The following JAKMIP3 variants were observed in gnomAD, a reference collection of about 807,000 sequenced individuals.
The protein encoded by JAKMIP3 is janus kinase and microtubule-interacting protein 3.
JAKMIP3 carries 58 observed loss-of-function variants against 118.5 expected under a neutral mutation model. The ratio of observed to expected loss-of-function variants is 0.49; its 90% confidence interval spans 0.40 to 0.61. The LOEUF is 0.61. Ranked by LOEUF, JAKMIP3 falls within the 20% of genes least tolerant of loss-of-function variation. JAKMIP3 has a pLI of 0.00. For missense variants in JAKMIP3, 950 were observed against 1,109.0 expected (o/e 0.86, Z 2.04); for synonymous variants, 486 against 451.2 (o/e 1.08, Z -0.98).
chr10:132,077,035 G>A (rs1203243099), intron 1 of JAKMIP3, among the ~76,000 whole-genome samples: 2 of 152,320 alleles, frequency 1.3e-5, no homozygotes, highest in East Asian at 3.9e-4. Flanking sequence ...GTGGCCCCAG[G>A]TCTGTGGTGG....
At chr10:132,048,803 A>AT (rs57114898) in intron 1 of JAKMIP3, among the ~76,000 whole-genome samples, 33 of 150,818 alleles carry the variant, frequency 2.2e-4, no homozygotes, top group Non-Finnish European at 3.7e-4. Flanking sequence ...CCCCCGACTA[A>AT]TTTTTTTTTG....
chr10:132,065,437 CG>C (rs200598184), upstream of JAKMIP3, among the ~76,000 whole-genome samples: 2,967 of 78,496 alleles, frequency 0.038, 90 homozygotes, highest in African/African-American at 0.15. The surrounding 1 kb of genome is among the most constrained non-coding windows in gnomAD (Gnocchi z 5.6). Flanking sequence ...AGTGGAAGTT[CG>C]TTCCTATTAT....
intron 1 of JAKMIP3, among the ~76,000 whole-genome samples, chr10:132,083,609 GCCA>G (rs1252261097): frequency 1.3e-5 from 2 of 152,118 alleles, no homozygotes; most frequent in Non-Finnish European, 2.9e-5. Context: ...TCTTGCCTAA[GCCA>G]ACGTCTAGAA....
At chr10:132,151,955 C>G (rs1322444913) in intron 16 of JAKMIP3, among the ~76,000 whole-genome samples, 1 of 152,238 alleles carries the variant, frequency 6.6e-6, no homozygotes, top group Non-Finnish European at 1.5e-5. Context: ...ACTTCACATG[C>G]AACTTGTGGT....
chr10:132,065,702 G>A (rs1293997117), upstream of JAKMIP3, among the ~76,000 whole-genome samples: 1 of 152,112 alleles, frequency 6.6e-6, no homozygotes, highest in East Asian at 1.9e-4. The surrounding 1 kb of genome is among the most constrained non-coding windows in gnomAD (Gnocchi z 5.6). Flanking sequence ...TCGGCCGCCC[G>A]GCCGTGCAGA....
intron 9 of JAKMIP3, among the ~76,000 whole-genome samples, chr10:132,139,180 CTGTGTA>C (rs1325006545): frequency 8.8e-6 from 1 of 113,278 alleles, no homozygotes; most frequent in Admixed American, 9.0e-5. Context: ...GTGTATGTGT[CTGTGTA>C]TGTGTGTGTA....
intron 1 of JAKMIP3, among the ~76,000 whole-genome samples, chr10:132,037,836 T>G (rs1271635418): frequency 2.0e-5 from 3 of 152,026 alleles, no homozygotes; most frequent in African/African-American, 7.2e-5. Flanking sequence ...CAGCGCAGGC[T>G]TCCCCCTACC....
At chr10:132,164,411 C>A (rs144948461) in intron 20 of JAKMIP3, among the ~76,000 whole-genome samples, 2 of 152,238 alleles carry the variant, frequency 1.3e-5, no homozygotes, top group South Asian at 4.1e-4. Flanking sequence ...GGCTGTCAGG[C>A]GTTGTGCTTT....
intron 23 of JAKMIP3, 42 bp from the exon 24 acceptor site, chr10:132,182,315 C>T (rs545966707): frequency 7.9e-5 from 12 of 152,396 alleles, no homozygotes; most frequent in African/African-American, 2.9e-4. Context: ...ACACATTCCC[C>T]AGGTCGTCGC....
chr10:132,147,775 A>T (rs1283612818), intron 13 of JAKMIP3, among the ~76,000 whole-genome samples, 177 bp from the exon 14 acceptor site: 3 of 152,224 alleles, frequency 2.0e-5, no homozygotes, highest in African/African-American at 7.2e-5. Context: ...TGGCTAGGCT[A>T]TCTCACTAGG....
chr10:132,105,345 TA>T (rs912864024), intron 2 of JAKMIP3, among the ~76,000 whole-genome samples: 10 of 152,092 alleles, frequency 6.6e-5, no homozygotes, highest in Admixed American at 1.3e-4. Context: ...CACATGGGAA[TA>T]AAGGAAAAGG....
rs187371874 is a variant in JAKMIP3 at position 132,041,594 on chromosome 10, G to A, written c.-138+4856G>A. ...TGGCTGGGGCTGGGCCAGCAAGGCC[G>A]ACACCCCCACTCCTTTCCTGCGGCT... is the stretch of plus-strand genomic sequence containing the variant. On this transcript the variant is annotated intron_variant, in intron 1 of 23. Transcript: ENST00000657785. Among the ~76,000 whole-genome samples the A allele has an allele frequency of 2.4e-3, 362 of 152,362 alleles. 2 individuals carry two copies. The highest frequency in any genetic ancestry group is 8.4e-3 in the African/African-American group (349 of 41,592).
At chr10:132,128,422 T>C (rs2050002381) in intron 3 of JAKMIP3, among the ~76,000 whole-genome samples, 1 of 152,250 alleles carries the variant, frequency 6.6e-6, no homozygotes, top group Non-Finnish European at 1.5e-5. Flanking sequence ...TGGAGACAGC[T>C]GAGCTTCTTG....
chr10:132,153,644 C>G (rs1398337982), intron 17 of JAKMIP3, 115 bp from the exon 18 acceptor site: 1 of 1,015,348 alleles, frequency 9.8e-7, no homozygotes, highest in Non-Finnish European at 1.6e-6. Context: ...TCTCCCCTCC[C>G]TAAGGAGAAG....
In JAKMIP3 at chr10:132,179,211, A is replaced by G. The variant is rs1235714055; in HGVS notation, c.*1104-3146A>G. Among the ~76,000 whole-genome samples, 2 of 152,078 alleles carry G rather than the reference A, an allele frequency of 1.3e-5. No individual in the cohort carries two copies. Among genetic ancestry groups the G allele is most frequent in the Admixed American group, 6.5e-5 (1 of 15,272 alleles). On this transcript the variant is annotated intron_variant, in intron 23 of 23. Coordinates refer to ENST00000684848, the MANE Select transcript of JAKMIP3 (RefSeq NM_001323087.2). The surrounding 1 kb of genome is among the most constrained non-coding windows in gnomAD (Gnocchi z 4.3). Reference sequence around the variant, plus strand: ...GTTGCAGCCCAAGATAAAATTACCCAGGCTTTCCCCTCCAGCGTGAAGGGC... The same window carrying G: ...GTTGCAGCCCAAGATAAAATTACCCGGGCTTTCCCCTCCAGCGTGAAGGGC...
chr10:132,176,618 CA>C (rs1427657767), intron 23 of JAKMIP3, among the ~76,000 whole-genome samples: 2 of 152,128 alleles, frequency 1.3e-5, no homozygotes, highest in Admixed American at 1.3e-4. Flanking sequence ...ATCACGGCAG[CA>C]GACACATTTC....
Position 132,077,217 on chromosome 10 carries a change from TC to T in JAKMIP3, c.-138+11161del, listed in dbSNP as rs375368888. Among the ~76,000 whole-genome samples the T allele has an allele frequency of 5.5e-3, 811 of 147,656 alleles. 13 individuals carry two copies. Among genetic ancestry groups the T allele is most frequent in the African/African-American group, 0.019 (768 of 39,562 alleles). ...ATCCAGGAAGAAGAGGGCCTCTGCT[TC>T]CCCCTCTCCCGGTGACCTGGGGAGA... On this transcript the variant is annotated intron_variant, in intron 1 of 23. Coordinates refer to ENST00000684848, the MANE Select transcript of JAKMIP3 (RefSeq NM_001323087.2).
intron 13 of JAKMIP3, among the ~76,000 whole-genome samples, chr10:132,146,533 TG>T (rs1388799050): frequency 6.6e-6 from 1 of 152,016 alleles, no homozygotes; most frequent in Non-Finnish European, 1.5e-5. Flanking sequence ...GTGCTCTGTG[TG>T]ACCCCCACCC....
intron 1 of JAKMIP3, among the ~76,000 whole-genome samples, chr10:132,042,501 C>T (rs917816242): frequency 6.6e-6 from 1 of 152,196 alleles, no homozygotes; most frequent in Non-Finnish European, 1.5e-5. Context: ...AGCCACGGCG[C>T]CTGCTGTGTT....
Sources: gnomAD v4.1 joint callset for allele counts (sites outside exome capture counted in the v4.1 genomes callset) on GRCh38, gnomAD v4.1.1 for gene constraint, Gnocchi (gnomAD v3.1) non-coding constraint, MANE v1.5 for transcripts, NCBI Gene and HGNC (gene_info 2026-07-23, HGNC 2026-07-21) for gene names.